Variants in ZC3H12C observed in about 807,000 individuals in gnomAD.
ZC3H12C encodes the protein zinc finger CCCH-type containing 12C.
ZC3H12C carries 20 observed loss-of-function variants against 76.3 expected under a neutral mutation model. The observed-to-expected ratio is 0.26, with a 90% CI of 0.18 to 0.38. The LOEUF (loss-of-function observed/expected upper bound fraction) is 0.38, where lower values mean the gene tolerates loss of function less well. Among genes scored for constraint, ZC3H12C ranks in the 10% least tolerant of loss-of-function variants. ZC3H12C has a pLI of 1.00. For missense variants in ZC3H12C, 874 were observed against 1,086.5 expected (o/e 0.80, Z 2.75); for synonymous variants, 352 against 399.6 (o/e 0.88, Z 1.42).
At chr11:110,103,280 T>G (rs1475369744) in intron 1 of ZC3H12C, among the ~76,000 whole-genome samples, 1 of 152,256 alleles carries the variant, frequency 6.6e-6, no homozygotes, top group African/African-American at 2.4e-5. Context: ...CTTAGTAAAA[T>G]ATTATAAAAG....
chr11:110,140,739 A>G (rs686719), intron 2 of ZC3H12C, among the ~76,000 whole-genome samples: 75,828 of 152,002 alleles, frequency 0.5, 19,193 homozygotes, highest in East Asian at 0.72. Flanking sequence ...TGGAGTATTA[A>G]GATAAATGTT....
chr11:110,123,365 C>T (rs1312117627), intron 1 of ZC3H12C, among the ~76,000 whole-genome samples: 1 of 152,156 alleles, frequency 6.6e-6, no homozygotes, highest in South Asian at 2.1e-4. Context: ...TTAAAAAACA[C>T]TAAATGGGAA....
intron 1 of ZC3H12C, among the ~76,000 whole-genome samples, chr11:110,127,350 T>G (rs1386789179): frequency 6.6e-6 from 1 of 152,214 alleles, no homozygotes; most frequent in Non-Finnish European, 1.5e-5. Context: ...ACAAGAGAGC[T>G]CATGGCCTGT....
In ZC3H12C at chr11:110,117,825, C is replaced by G. The variant is rs946239775; in HGVS notation, c.22-18838C>G. Among the ~76,000 whole-genome samples the G allele has an allele frequency of 3.8e-5, 4 of 104,618 alleles. No homozygotes were observed. The Admixed American group carries it at 4.2e-4, about 11-fold the overall frequency. The allele number at this position is 104,618 out of a possible 152,430, so 68.6% of individuals were successfully genotyped here. On this transcript the variant is annotated intron_variant, in intron 1 of 5. Transcript: ENST00000278590. ...ATATACACACATATATATACACACA[C>G]ACATATAATATATATATACACACAC...
intron 1 of ZC3H12C, among the ~76,000 whole-genome samples, chr11:110,098,188 C>G (rs930001279): frequency 6.6e-6 from 1 of 152,048 alleles, no homozygotes; most frequent in Non-Finnish European, 1.5e-5. Context: ...GATCCTGACC[C>G]TGTGTAGACC....
At chr11:110,135,490 C>CAAAAAAA (rs60107794) in intron 1 of ZC3H12C, among the ~76,000 whole-genome samples, 2 of 95,312 alleles carry the variant, frequency 2.1e-5, no homozygotes, top group Non-Finnish European at 3.8e-5. Context: ...ACTCCCGTCT[C>CAAAAAAA]AAAAAAAAAA....
chr11:110,103,947 G>A (rs4421710), intron 1 of ZC3H12C, among the ~76,000 whole-genome samples: 105,898 of 150,998 alleles, frequency 0.7, 37,228 homozygotes, highest in East Asian at 0.89. Flanking sequence ...AGCAATACTT[G>A]TTATGCTTTT....
intron 1 of ZC3H12C, among the ~76,000 whole-genome samples, chr11:110,118,032 A>T (rs910680308): frequency 4.3e-5 from 2 of 46,862 alleles, no homozygotes; most frequent in African/African-American, 5.7e-5. Context: ...CATATATATT[A>T]TATATATATA....
chr11:110,132,274 T>C (rs1292551030), intron 1 of ZC3H12C, among the ~76,000 whole-genome samples: 1 of 152,190 alleles, frequency 6.6e-6, no homozygotes, highest in African/African-American at 2.4e-5. Flanking sequence ...TTATCCAAGT[T>C]AACTAATGAG....
At chr11:110,104,364 G>A (rs962133312) in intron 1 of ZC3H12C, among the ~76,000 whole-genome samples, 6 of 152,092 alleles carry the variant, frequency 3.9e-5, no homozygotes, top group Non-Finnish European at 5.9e-5. Flanking sequence ...GCACCTGGCC[G>A]GAACCAATTT....
chr11:110,160,699 TC>T (rs1344077863), intron 4 of ZC3H12C, among the ~76,000 whole-genome samples: 1 of 152,196 alleles, frequency 6.6e-6, no homozygotes, highest in Non-Finnish European at 1.5e-5. Flanking sequence ...TTGAAATACT[TC>T]CTGAATGAAC....
chr11:110,116,460 T>C (rs1189934475), intron 1 of ZC3H12C, among the ~76,000 whole-genome samples: 1 of 152,162 alleles, frequency 6.6e-6, no homozygotes, highest in Non-Finnish European at 1.5e-5. Context: ...GCATTTTAAC[T>C]CTAGGGCATT....
intron 2 of ZC3H12C, among the ~76,000 whole-genome samples, chr11:110,146,205 G>A (rs1862167281): frequency 6.6e-6 from 1 of 152,094 alleles, no homozygotes; most frequent in African/African-American, 2.4e-5. Context: ...AGCCAGGGTG[G>A]TCTTGATCTC....
intron 2 of ZC3H12C, 97 bp from the exon 3 acceptor site, chr11:110,152,822 T>C: frequency 7.4e-7 from 1 of 1,346,166 alleles, no homozygotes; most frequent in Non-Finnish European, 1.0e-6. Context: ...CTCTTATTAC[T>C]GTTGTAACTA....
chr11:110,125,737 T>TA (rs963534027), intron 1 of ZC3H12C, among the ~76,000 whole-genome samples: 107 of 152,320 alleles, frequency 7.0e-4, no homozygotes, highest in African/African-American at 2.5e-3. Flanking sequence ...ACCATCTCCT[T>TA]ACGGCCTGAC....
At chr11:110,114,400 C>T (rs1861487796) in intron 1 of ZC3H12C, among the ~76,000 whole-genome samples, 1 of 152,200 alleles carries the variant, frequency 6.6e-6, no homozygotes, top group East Asian at 1.9e-4. Flanking sequence ...CAGGCATCCC[C>T]TGTGTTTTAC....
intron 1 of ZC3H12C, among the ~76,000 whole-genome samples, chr11:110,118,228 C>A (rs762949243): frequency 6.6e-6 from 1 of 151,004 alleles, no homozygotes; most frequent in Non-Finnish European, 1.5e-5. Flanking sequence ...TGCAGTGGAA[C>A]AAAAGCATGG....
intron 3 of ZC3H12C, among the ~76,000 whole-genome samples, chr11:110,155,837 C>T (rs1862367729): frequency 6.6e-6 from 1 of 151,980 alleles, no homozygotes; most frequent in Non-Finnish European, 1.5e-5. Flanking sequence ...TTATTTCTGC[C>T]TGCTTCTTAG....
intron 2 of ZC3H12C, among the ~76,000 whole-genome samples, chr11:110,146,140 C>T (rs535068090): frequency 8.7e-4 from 132 of 152,280 alleles, no homozygotes; most frequent in Admixed American, 2.3e-3. Flanking sequence ...GTGCCCGCCA[C>T]CACGCCCGGC....
Sources: allele counts gnomAD v4.1 joint callset (sites outside exome capture counted in the v4.1 genomes callset), GRCh38; gene constraint gnomAD v4.1.1; transcripts MANE v1.5; gene names NCBI Gene and HGNC (gene_info 2026-07-23, HGNC 2026-07-21).